The following CDH7 variants were observed in gnomAD, a reference collection of about 807,000 sequenced individuals.
CDH7 encodes cadherin 7, also known as cadherin-7.
Under a neutral mutation model 71.8 loss-of-function variants are expected in CDH7, and 25 were observed. The observed-to-expected ratio is 0.35, with a 90% CI of 0.25 to 0.49. The LOEUF (loss-of-function observed/expected upper bound fraction) is 0.49. Ranked by LOEUF, CDH7 falls within the 20% of genes least tolerant of loss-of-function variation. The pLI is 0.99. For synonymous variants in CDH7, 381 were observed against 363.8 expected (o/e 1.05, Z -0.54); for missense variants, 862 against 974.6 (o/e 0.88, Z 1.54).
At chr18:65,771,927 AT>A (rs2143808685) in intron 2 of CDH7, among the ~76,000 whole-genome samples, 1 of 152,192 alleles carries the variant, frequency 6.6e-6, no homozygotes, top group African/African-American at 2.4e-5. Context: ...CGGAAGAGTA[AT>A]TTCTCAAGAT....
intron 6 of CDH7, among the ~76,000 whole-genome samples, chr18:65,840,768 A>C (rs1334801300): frequency 6.6e-6 from 1 of 152,106 alleles, no homozygotes; most frequent in Non-Finnish European, 1.5e-5. Context: ...TAAATTGCCC[A>C]ATCTTGGGTA....
intron 2 of CDH7, among the ~76,000 whole-genome samples, chr18:65,787,594 T>C (rs1257173448): frequency 1.3e-5 from 2 of 152,190 alleles, no homozygotes; most frequent in Non-Finnish European, 2.9e-5. Flanking sequence ...GCTGCTTTGA[T>C]TTTAAATTCT....
chr18:65,876,317 A>G (rs564574943), intron 11 of CDH7, among the ~76,000 whole-genome samples: 75 of 152,324 alleles, frequency 4.9e-4, no homozygotes, highest in African/African-American at 1.4e-3. Context: ...CTGCTGTAAT[A>G]GCACTCTAAC....
At position 65,883,010 on chromosome 18, in the gene CDH7, A is replaced by G. The variant is rs1172256426; in HGVS notation, c.*2116A>G. 4 of 152,136 alleles carry G rather than the reference A, an allele frequency of 2.6e-5. No individual in the cohort carries two copies. The highest frequency in any genetic ancestry group is 9.7e-5 in the African/African-American group (4 of 41,450). 9.4% of individuals were successfully genotyped at this position (152,136 alleles called of 1,614,324 possible). On this transcript the variant is annotated 3_prime_UTR_variant, in exon 12 of 12. Transcript: ENST00000397968. The stretch of plus-strand genomic sequence containing the variant: ...TACCACTAAACGGAGGTGTGGATGT[A>G]TTTTAGAAAAGGAACACACATCATT...
At chr18:65,842,640 T>A (rs1423074646) in intron 6 of CDH7, among the ~76,000 whole-genome samples, 1 of 151,922 alleles carries the variant, frequency 6.6e-6, no homozygotes, top group Non-Finnish European at 1.5e-5. Flanking sequence ...ATAACTATTG[T>A]TTTATTTATT....
intron 11 of CDH7, among the ~76,000 whole-genome samples, chr18:65,875,922 C>G (rs928320349): frequency 6.6e-6 from 1 of 152,088 alleles, no homozygotes; most frequent in African/African-American, 2.4e-5. Flanking sequence ...AAGTGAGACT[C>G]TGTCTCCAAA....
intron 4 of CDH7, among the ~76,000 whole-genome samples, chr18:65,821,344 C>A (rs1206151678): frequency 6.6e-6 from 1 of 151,764 alleles, no homozygotes; most frequent in Non-Finnish European, 1.5e-5. Context: ...ACCACCTGGA[C>A]CTAATTTGTA....
In CDH7 at chr18:65,770,285, G is replaced by A. The variant is rs536077674; in HGVS notation, c.210+7233G>A. ...TGCAAGAAAGTTTCACTAATATAGA[G>A]GTTAAAATAAGAGCTTTCTCCCCAC... On this transcript the variant is annotated intron_variant, in intron 2 of 11. Coordinates refer to ENST00000397968, the MANE Select transcript of CDH7 (RefSeq NM_004361.5). Among the ~76,000 whole-genome samples, 18 of 152,130 alleles carry A rather than the reference G, an allele frequency of 1.2e-4. No individual in the cohort carries two copies. In the East Asian group the frequency reaches 3.3e-3, roughly 28 times the overall value.
chr18:65,853,906 C>CATATATATAT (rs4047846), intron 7 of CDH7, among the ~76,000 whole-genome samples: 8 of 34,206 alleles, frequency 2.3e-4, no homozygotes, highest in Admixed American at 8.2e-4. Context: ...CATAAATTAC[C>CATATATATAT]ATATATATAT....
rs781065324 is a variant in CDH7 at position 65,784,459 on chromosome 18, C to T, written c.210+21407C>T. 9.9e-5 allele frequency among the ~76,000 whole-genome samples: 15 copies of T among 151,942 alleles called. 1 individual carries two copies. Among genetic ancestry groups the T allele is most frequent in the Non-Finnish European group, 2.1e-4 (14 of 68,010 alleles). ...AGCGTGGCTAGTTTGGAGTAAGTAGCGTATAAGAAAGGAGAATCAGCTTCT... is the reference window on the plus strand; with the variant it reads ...AGCGTGGCTAGTTTGGAGTAAGTAGTGTATAAGAAAGGAGAATCAGCTTCT... On this transcript the variant is annotated intron_variant, in intron 2 of 11. Transcript: ENST00000397968.
chr18:65,855,491 G>A (rs1423141726), intron 7 of CDH7, among the ~76,000 whole-genome samples: 3 of 148,274 alleles, frequency 2.0e-5, no homozygotes, highest in Non-Finnish European at 4.5e-5. Context: ...ATGAAATTAG[G>A]CAATTTAGAA....
chr18:65,886,127 A>G lies in CDH7; in HGVS notation c.*5233A>G, dbSNP rs1234488985. 1.3e-5 allele frequency: 2 copies of G among 152,122 alleles called. No individual in the cohort carries two copies. The highest frequency in any genetic ancestry group is 4.1e-4 in the South Asian group (2 of 4,832). 9.4% of individuals were successfully genotyped at this position (152,122 alleles called of 1,614,324 possible). On this transcript the variant is annotated 3_prime_UTR_variant, in exon 12 of 12. Coordinates refer to ENST00000397968, the MANE Select transcript of CDH7 (RefSeq NM_004361.5). ...TGCCATTTTCATTCTCTGAACTTTT[A>G]TAGCTTCATGATTAAAATTGAGTTA...
In CDH7 at chr18:65,884,034, T is replaced by A. The variant is rs1914305411; in HGVS notation, c.*3140T>A. 1 of 152,154 alleles carries A rather than the reference T, an allele frequency of 6.6e-6. No individual in the cohort carries two copies. 9.4% of individuals were successfully genotyped at this position (152,154 alleles called of 1,614,324 possible). A position where few individuals can be genotyped will look rare whatever the true frequency, so the allele number is the denominator to read the frequency against. ...CAATAGAAACTCAGGGTTTGCCAAATTATGCCCATTTTGAACAGTTTAATT... is the reference window on the plus strand; with the variant it reads ...CAATAGAAACTCAGGGTTTGCCAAAATATGCCCATTTTGAACAGTTTAATT... On this transcript the variant is annotated 3_prime_UTR_variant, in exon 12 of 12. Transcript: ENST00000397968.
In CDH7 at chr18:65,828,316, C is replaced by A. The variant is rs141294536; in HGVS notation, c.981+3485C>A. Reference sequence around the variant, plus strand: ...TAAGCTTACTAATTACGAAGGTTTTCTTTTCACTTGCAAAAATTGCTTATA... The same window carrying A: ...TAAGCTTACTAATTACGAAGGTTTTATTTTCACTTGCAAAAATTGCTTATA... On this transcript the variant is annotated intron_variant, in intron 6 of 11. Transcript: ENST00000397968. 7.2e-5 allele frequency among the ~76,000 whole-genome samples: 11 copies of A among 152,174 alleles called. No homozygotes were observed. In the East Asian group the frequency reaches 1.4e-3, roughly 19 times the overall value.
chr18:65,820,712 T>C (rs1161193746), intron 4 of CDH7, among the ~76,000 whole-genome samples: 1 of 152,186 alleles, frequency 6.6e-6, no homozygotes, highest in Non-Finnish European at 1.5e-5. Context: ...ATAGGCTCAC[T>C]TATAAAAAGA....
At chr18:65,850,582 TA>T (rs1913112817) in intron 7 of CDH7, among the ~76,000 whole-genome samples, 1 of 614 alleles carries the variant, frequency 1.6e-3, no homozygotes, top group Non-Finnish European at 0.017. Context: ...GCAGAGGTTT[TA>T]TTATTATTAT....
At chr18:65,781,908 CTCT>C in intron 2 of CDH7, among the ~76,000 whole-genome samples, 1 of 110,484 alleles carries the variant, frequency 9.1e-6, no homozygotes, top group Non-Finnish European at 1.8e-5. Context: ...CTCTATCTTT[CTCT>C]CTTTCTCTCT....
intron 8 of CDH7, 98 bp downstream of exon 8, chr18:65,858,050 T>C: frequency 8.7e-7 from 1 of 1,154,060 alleles, no homozygotes; most frequent in Non-Finnish European, 1.2e-6. Flanking sequence ...AAGTAGTTCC[T>C]TCTTTGAATT....
chr18:65,873,992 C>T (rs538154286), intron 11 of CDH7, among the ~76,000 whole-genome samples: 7 of 152,186 alleles, frequency 4.6e-5, no homozygotes, highest in Admixed American at 2.0e-4. Context: ...AGTCACATTT[C>T]CTTGCCTATA....
Sources: allele counts gnomAD v4.1 joint callset (sites outside exome capture counted in the v4.1 genomes callset), GRCh38; gene constraint gnomAD v4.1.1; transcripts MANE v1.5; gene names NCBI Gene and HGNC (gene_info 2026-07-23, HGNC 2026-07-21).